Variants in PCDH9 observed in about 807,000 individuals in gnomAD.
PCDH9 encodes the protein protocadherin-9.
Under a neutral mutation model 70.6 loss-of-function variants are expected in PCDH9, and 24 were observed. The observed-to-expected ratio is 0.34, with a 90% CI of 0.25 to 0.48. PCDH9 has a LOEUF of 0.48. Ranked by LOEUF, PCDH9 falls within the 20% of genes least tolerant of loss-of-function variation. The probability of loss-of-function intolerance (pLI) is 0.99; values close to 1 mark genes in which losing one functional copy is unlikely to be tolerated. For missense variants in PCDH9, 1,281 were observed against 1,503.6 expected (o/e 0.85, Z 2.45); for synonymous variants, 562 against 558.5 (o/e 1.01, Z -0.09).
At chr13:66,469,626 A>G (rs988991157) in intron 4 of PCDH9, among the ~76,000 whole-genome samples, 3 of 152,116 alleles carry the variant, frequency 2.0e-5, no homozygotes, top group African/African-American at 7.2e-5. Flanking sequence ...TCTATGCCAC[A>G]GCGTGTTTTA....
intron 4 of PCDH9, among the ~76,000 whole-genome samples, chr13:66,621,961 C>G (rs905240291): frequency 1.3e-5 from 2 of 152,228 alleles, no homozygotes; most frequent in African/African-American, 4.8e-5. Flanking sequence ...GAAGCGCCAG[C>G]GGGAACCGGG....
intron 4 of PCDH9, among the ~76,000 whole-genome samples, chr13:66,577,820 C>T (rs1457456235): frequency 6.6e-6 from 1 of 151,894 alleles, no homozygotes; most frequent in Non-Finnish European, 1.5e-5. Flanking sequence ...GCAAACTTGG[C>T]TAAAACCTAG....
intron 2 of PCDH9, among the ~76,000 whole-genome samples, chr13:66,960,706 T>C (rs1196589533): frequency 6.6e-6 from 1 of 152,146 alleles, no homozygotes; most frequent in African/African-American, 2.4e-5. Context: ...CATAAAATAG[T>C]AGCAATTCAT....
At chr13:66,561,461 C>T (rs568496974) in intron 4 of PCDH9, among the ~76,000 whole-genome samples, 21 of 152,330 alleles carry the variant, frequency 1.4e-4, no homozygotes, top group African/African-American at 5.0e-4. Flanking sequence ...GGTGTGGGAT[C>T]CACTGGGTGA....
chr13:67,012,198 A>C (rs1398823690), intron 2 of PCDH9, among the ~76,000 whole-genome samples: 2 of 151,866 alleles, frequency 1.3e-5, no homozygotes, highest in Non-Finnish European at 2.9e-5. Context: ...AAGATTTTTA[A>C]ACAGTGATTC....
At chr13:66,354,864 A>G (rs532626041) in intron 4 of PCDH9, among the ~76,000 whole-genome samples, 200 of 152,242 alleles carry the variant, frequency 1.3e-3, no homozygotes, top group Non-Finnish European at 2.2e-3. Flanking sequence ...AGACATTATT[A>G]TCACTTTACC....
At chr13:66,552,161 T>C (rs1334538678) in intron 4 of PCDH9, among the ~76,000 whole-genome samples, 3 of 152,112 alleles carry the variant, frequency 2.0e-5, no homozygotes, top group African/African-American at 7.2e-5. Flanking sequence ...TACTCTTACA[T>C]AGTCTATGGC....
intron 2 of PCDH9, among the ~76,000 whole-genome samples, chr13:67,115,337 G>A (rs9529188): frequency 0.11 from 16,463 of 152,286 alleles, 947 homozygotes; most frequent in Non-Finnish European, 0.12. Flanking sequence ...CCTTGAGCCA[G>A]CTTTGGGCTT....
At chr13:66,870,687 G>A (rs996605420) in intron 3 of PCDH9, among the ~76,000 whole-genome samples, 7 of 152,146 alleles carry the variant, frequency 4.6e-5, no homozygotes, top group African/African-American at 1.7e-4. Context: ...ACCACAGTGA[G>A]ATACCATCTC....
intron 3 of PCDH9, among the ~76,000 whole-genome samples, chr13:66,886,970 T>C (rs1421521443): frequency 6.6e-6 from 1 of 151,880 alleles, no homozygotes; most frequent in African/African-American, 2.4e-5. Flanking sequence ...TCATTATTTC[T>C]TTTAACCTTT....
At chr13:66,635,497 C>A (rs1286605306) in intron 3 of PCDH9, among the ~76,000 whole-genome samples, 1 of 151,764 alleles carries the variant, frequency 6.6e-6, no homozygotes, top group Non-Finnish European at 1.5e-5. Flanking sequence ...GGTGTAGAGA[C>A]AGGGTCCTGA....
intron 4 of PCDH9, among the ~76,000 whole-genome samples, chr13:66,480,583 T>C (rs1373370371): frequency 2.6e-5 from 4 of 152,106 alleles, no homozygotes; most frequent in Non-Finnish European, 5.9e-5. Context: ...TTTTAAGAAA[T>C]TGCTTGCAAA....
chr13:66,821,433 C>T (rs550341680), intron 3 of PCDH9, among the ~76,000 whole-genome samples: 1 of 152,100 alleles, frequency 6.6e-6, no homozygotes, highest in South Asian at 2.1e-4. Flanking sequence ...ATTTTATATC[C>T]CTCTGAGACA....
chr13:66,638,421 A>T (rs924273434), intron 3 of PCDH9, among the ~76,000 whole-genome samples: 2 of 152,218 alleles, frequency 1.3e-5, no homozygotes, highest in Admixed American at 1.3e-4. Flanking sequence ...ATGCCAAAAC[A>T]ATCTGCAGAT....
chr13:66,720,088 C>G (rs1416708993), intron 3 of PCDH9, among the ~76,000 whole-genome samples: 1 of 152,116 alleles, frequency 6.6e-6, no homozygotes, highest in Admixed American at 6.6e-5. Context: ...TGGGAAGAAT[C>G]AATATTAAAT....
At chr13:66,471,615 A>C (rs976209392) in intron 4 of PCDH9, among the ~76,000 whole-genome samples, 1 of 152,202 alleles carries the variant, frequency 6.6e-6, no homozygotes, top group African/African-American at 2.4e-5. Context: ...TGATTAATGC[A>C]TTTAATCATT....
chr13:66,717,480 A>AAATATATATAT (rs1566145314), intron 3 of PCDH9, among the ~76,000 whole-genome samples: 8 of 44,438 alleles, frequency 1.8e-4, no homozygotes, highest in Non-Finnish European at 2.7e-4. Context: ...AAAAAAAAAA[A>AAATATATATAT]ATATATATAT....
intron 4 of PCDH9, among the ~76,000 whole-genome samples, chr13:66,399,215 C>T (rs1193473729): frequency 1.3e-5 from 2 of 152,118 alleles, no homozygotes; most frequent in Non-Finnish European, 2.9e-5. Context: ...TTATCTTTCT[C>T]TCCTGAGTAA....
intron 4 of PCDH9, among the ~76,000 whole-genome samples, chr13:66,517,539 C>T (rs1959795237): frequency 6.6e-6 from 1 of 152,158 alleles, no homozygotes; most frequent in Admixed American, 6.6e-5. Context: ...CCACTGTGTT[C>T]TTCACAGAGC....
Sources: allele counts gnomAD v4.1 joint callset (sites outside exome capture counted in the v4.1 genomes callset), GRCh38; gene constraint gnomAD v4.1.1; transcripts MANE v1.5; gene names NCBI Gene and HGNC (gene_info 2026-07-23, HGNC 2026-07-21).